BACH2: variants seen among roughly 807,000 people sequenced by gnomAD.
BACH2 encodes transcription regulator protein BACH2.
A neutral mutation model predicts 61.8 loss-of-function variants in BACH2; 5 were observed. The observed-to-expected ratio is 0.08, with a 90% CI of 0.04 to 0.17. The LOEUF is 0.17. Ranked by LOEUF, BACH2 falls within the 10% of genes least tolerant of loss-of-function variation. The pLI is 1.00. For synonymous variants in BACH2, 446 were observed against 440.1 expected, an observed-to-expected ratio of 1.01 and a Z score of -0.17; for missense variants, 824 against 1,091.1, an observed-to-expected ratio of 0.76 and a Z score of 3.45.
intron 1 of BACH2, among the ~76,000 whole-genome samples, chr6:90,273,707 T>C (rs917219112): frequency 1.3e-5 from 2 of 152,172 alleles, no homozygotes; most frequent in African/African-American, 4.8e-5. Context: ...AACTAGCTTT[T>C]CTGCCTCTGA....
chr6:89,998,529 A>G (rs1036180392), intron 6 of BACH2, among the ~76,000 whole-genome samples: 1 of 152,146 alleles, frequency 6.6e-6, no homozygotes, highest in Non-Finnish European at 1.5e-5. Context: ...TTATTATTTA[A>G]TTGCTTCTCC....
intron 1 of BACH2, among the ~76,000 whole-genome samples, chr6:90,275,291 A>G (rs1006327352): frequency 6.6e-6 from 1 of 152,200 alleles, no homozygotes; most frequent in African/African-American, 2.4e-5. Flanking sequence ...CCTGCACTGT[A>G]AATCGTGAGA....
intron 4 of BACH2, among the ~76,000 whole-genome samples, chr6:90,193,311 C>A (rs906290001): frequency 2.0e-5 from 3 of 152,042 alleles, no homozygotes; most frequent in African/African-American, 7.2e-5. Context: ...AGAGAGTGTG[C>A]CCCTAATCCA....
chr6:90,262,398 C>T lies in BACH2; in HGVS notation c.-353+9451G>A, dbSNP rs983009099. ...TCTGTGGAGCCCCTTCCCATCCCCA[C>T]GCCCCATTCCCAGGCCATTCAAGTG... On this transcript the variant is annotated intron_variant, in intron 2 of 8. Coordinates refer to ENST00000257749, the MANE Select transcript of BACH2 (RefSeq NM_021813.4). 7.2e-5 allele frequency among the ~76,000 whole-genome samples: 11 copies of T among 152,280 alleles called. 1 individual carries two copies. Among genetic ancestry groups the T allele is most frequent in the Admixed American group, 4.6e-4 (7 of 15,294 alleles).
At chr6:90,049,967 T>C (rs1779959478) in intron 5 of BACH2, among the ~76,000 whole-genome samples, 1 of 152,194 alleles carries the variant, frequency 6.6e-6, no homozygotes, top group Non-Finnish European at 1.5e-5. Context: ...GACATTTTCT[T>C]GAAATTGAAC....
chr6:90,290,054 C>T (rs1334376699), intron 1 of BACH2, among the ~76,000 whole-genome samples: 1 of 152,208 alleles, frequency 6.6e-6, no homozygotes, highest in Non-Finnish European at 1.5e-5. Context: ...CAATTCTGGA[C>T]TCTGTATACA....
intron 5 of BACH2, among the ~76,000 whole-genome samples, chr6:90,055,193 T>C (rs59038121): frequency 0.017 from 2,516 of 152,184 alleles, 78 homozygotes; most frequent in East Asian, 0.14. Context: ...GGAGGAGCTT[T>C]GAACCAATGG....
chr6:90,006,420 G>A (rs1375189708), intron 6 of BACH2, among the ~76,000 whole-genome samples: 3 of 152,090 alleles, frequency 2.0e-5, no homozygotes, highest in Admixed American at 6.6e-5. Flanking sequence ...CGGCCTTCCC[G>A]TTACTTGGTA....
intron 5 of BACH2, among the ~76,000 whole-genome samples, chr6:90,012,665 T>C (rs1178881713): frequency 6.6e-6 from 1 of 151,798 alleles, no homozygotes; most frequent in East Asian, 1.9e-4. Flanking sequence ...CTCAGCAATA[T>C]TTTAATTGAA....
At chr6:90,229,767 C>T (rs561784794) in intron 3 of BACH2, among the ~76,000 whole-genome samples, 2 of 152,294 alleles carry the variant, frequency 1.3e-5, no homozygotes, top group Non-Finnish European at 2.9e-5. Context: ...AATGAACTTG[C>T]GGCTTTGCGA....
chr6:89,945,419 G>T (rs1773665250), intron 7 of BACH2, among the ~76,000 whole-genome samples: 1 of 152,164 alleles, frequency 6.6e-6, no homozygotes, highest in Non-Finnish European at 1.5e-5. Context: ...AACCTTCAAA[G>T]CATTATGCTA....
intron 5 of BACH2, among the ~76,000 whole-genome samples, chr6:90,077,489 G>A (rs1207867385): frequency 2.0e-5 from 3 of 152,120 alleles, no homozygotes; most frequent in Non-Finnish European, 2.9e-5. Flanking sequence ...AGATTTCCCT[G>A]GCAGAGTTGA....
chr6:90,273,711 C>T (rs1489149171), intron 1 of BACH2, among the ~76,000 whole-genome samples: 1 of 152,082 alleles, frequency 6.6e-6, no homozygotes, highest in African/African-American at 2.4e-5. Flanking sequence ...AGCTTTTCTG[C>T]CTCTGAACTT....
intron 3 of BACH2, among the ~76,000 whole-genome samples, chr6:90,214,749 TC>T (rs1489410865): frequency 1.4e-5 from 2 of 143,208 alleles, no homozygotes. Flanking sequence ...TAGATTCTGT[TC>T]CTTTTTTTTT....
chr6:90,161,977 C>A (rs191825757), intron 4 of BACH2, among the ~76,000 whole-genome samples: 4 of 152,208 alleles, frequency 2.6e-5, no homozygotes, highest in African/African-American at 7.2e-5. Flanking sequence ...TCCACATAAC[C>A]TTTGAGATTC....
At chr6:90,051,251 T>C (rs1433603456) in intron 5 of BACH2, among the ~76,000 whole-genome samples, 3 of 152,186 alleles carry the variant, frequency 2.0e-5, no homozygotes, top group Non-Finnish European at 1.5e-5. Context: ...GTGTTACTGG[T>C]ATATAAGGCA....
intron 4 of BACH2, among the ~76,000 whole-genome samples, chr6:90,160,108 A>C (rs966794251): frequency 2.0e-5 from 3 of 152,254 alleles, no homozygotes; most frequent in Non-Finnish European, 4.4e-5. Context: ...TGAAGTTTTC[A>C]AAAGGGAGTT....
At chr6:90,033,866 C>A (rs1779133606) in intron 5 of BACH2, among the ~76,000 whole-genome samples, 1 of 152,112 alleles carries the variant, frequency 6.6e-6, no homozygotes, top group Admixed American at 6.5e-5. Context: ...GGATTCAGAG[C>A]TTTTACTGGT....
At chr6:90,094,861 T>TACACACACAC (rs111697212) in intron 4 of BACH2, among the ~76,000 whole-genome samples, 114 of 150,776 alleles carry the variant, frequency 7.6e-4, no homozygotes, top group African/African-American at 2.7e-3. Context: ...TCCACAACTA[T>TACACACACAC]ACACACACAC....
Sources: gnomAD v4.1 joint callset for allele counts (sites outside exome capture counted in the v4.1 genomes callset) on GRCh38, gnomAD v4.1.1 for gene constraint, MANE v1.5 for transcripts, NCBI Gene and HGNC (gene_info 2026-07-23, HGNC 2026-07-21) for gene names.